SH3KBP1: variants seen among roughly 807,000 people sequenced by gnomAD.
The protein encoded by SH3KBP1 is SH3 domain containing kinase binding protein 1.
A neutral mutation model predicts 50.1 loss-of-function variants in SH3KBP1; 8 were observed. The observed-to-expected ratio is 0.16, with a 90% CI of 0.09 to 0.29. The LOEUF (loss-of-function observed/expected upper bound fraction) is 0.29. Ranked by LOEUF, SH3KBP1 falls within the 10% of genes least tolerant of loss-of-function variation. The probability of loss-of-function intolerance (pLI) is 1.00; values close to 1 mark genes in which losing one functional copy is unlikely to be tolerated. For missense variants in SH3KBP1, 377 were observed against 535.2 expected (o/e 0.70, Z 2.92); for synonymous variants, 227 against 218.6 (o/e 1.04, Z -0.34).
At chrX:19,641,877 T>C (rs1391615072) in intron 7 of SH3KBP1, among the ~76,000 whole-genome samples, 1 of 112,143 alleles carries the variant, frequency 8.9e-6, no homozygotes, top group Non-Finnish European at 1.9e-5. Flanking sequence ...TCTCACTCTG[T>C]CACCCAGACT....
chrX:19,864,779 A>G (rs1166195899), intron 1 of SH3KBP1, among the ~76,000 whole-genome samples: 1 of 112,401 alleles, frequency 8.9e-6, no homozygotes, highest in East Asian at 2.8e-4. Flanking sequence ...GGGCAACAAT[A>G]GGAAACGAAT....
At chrX:19,847,160 G>A (rs2068386594) in intron 1 of SH3KBP1, among the ~76,000 whole-genome samples, 1 of 111,398 alleles carries the variant, frequency 9.0e-6, no homozygotes, top group Admixed American at 9.6e-5. Context: ...CAGACAGTGA[G>A]GTAACGTGAG....
intron 7 of SH3KBP1, among the ~76,000 whole-genome samples, chrX:19,639,542 T>A: frequency 9.0e-6 from 1 of 111,057 alleles, no homozygotes; most frequent in Admixed American, 9.6e-5. Flanking sequence ...GAGGACTGTA[T>A]TTGAAATGCA....
At chrX:19,633,261 C>T (rs1437784131) in intron 7 of SH3KBP1, among the ~76,000 whole-genome samples, 1 of 111,531 alleles carries the variant, frequency 9.0e-6, no homozygotes, top group Non-Finnish European at 1.9e-5. Flanking sequence ...GTTACAATAG[C>T]TTGAAAATAT....
At chrX:19,867,085 C>A (rs1359549686) in intron 1 of SH3KBP1, among the ~76,000 whole-genome samples, 1 of 111,919 alleles carries the variant, frequency 8.9e-6, no homozygotes, top group African/African-American at 3.3e-5. Flanking sequence ...CAAAATTTTT[C>A]TTTCGCTGCC....
chrX:19,592,160 G>C lies in SH3KBP1; in HGVS notation c.1058-13C>G, dbSNP rs746797418. The C allele has an allele frequency of 8.8e-7, 1 of 1,140,725 alleles. No individual in the cohort carries two copies. The highest frequency in any genetic ancestry group is 1.8e-5 in the African/African-American group (1 of 55,463). 94.0% of individuals were successfully genotyped at this position (1,140,725 alleles called of 1,213,427 possible). On this transcript the variant is annotated splice_polypyrimidine_tract_variant and intron_variant, in intron 10 of 17. Transcript: ENST00000397821. ...CTCTCAGTGGTGCCTAGGAGGGAAA[G>C]GGTAATAGTGATCACAAAATGTTTT...
Position 19,821,568 on chromosome X carries a change from G to A in SH3KBP1, c.162+14557C>T, listed in dbSNP as rs757936024. 9.1e-5 allele frequency among the ~76,000 whole-genome samples: 10 copies of A among 109,290 alleles called. No individual in the cohort carries two copies. The South Asian group carries it at 3.5e-3, about 39-fold the overall frequency. The allele number at this position is 109,290 out of a possible 115,157, so 94.9% of individuals were successfully genotyped here. ...TTCTGAGATGGAGTCTCACTCTGTC[G>A]CCCAGGCTGGAGTGCAGTGGCATGA... On this transcript the variant is annotated intron_variant, in intron 2 of 17. Coordinates refer to ENST00000397821, the MANE Select transcript of SH3KBP1 (RefSeq NM_031892.3).
At chrX:19,562,669 G>A (rs2065718652) in intron 13 of SH3KBP1, among the ~76,000 whole-genome samples, 1 of 111,188 alleles carries the variant, frequency 9.0e-6, no homozygotes, top group Admixed American at 9.5e-5. Flanking sequence ...CCACAGAGAT[G>A]CAGGCGACCA....
chrX:19,809,052 T>G (rs1284789565), intron 2 of SH3KBP1, among the ~76,000 whole-genome samples: 1 of 111,773 alleles, frequency 8.9e-6, no homozygotes, highest in Non-Finnish European at 1.9e-5. Flanking sequence ...TAAAATTAAG[T>G]TGTAGGTGGC....
chrX:19,715,276 A>G (rs751921779), intron 3 of SH3KBP1, among the ~76,000 whole-genome samples: 1 of 97,244 alleles, frequency 1.0e-5, no homozygotes, highest in East Asian at 2.9e-4. Flanking sequence ...CTTGTCTCCA[A>G]AAAAAAAAAA....
At chrX:19,774,864 G>C (rs1222400187) in intron 2 of SH3KBP1, among the ~76,000 whole-genome samples, 3 of 110,455 alleles carry the variant, frequency 2.7e-5, no homozygotes, top group Non-Finnish European at 5.7e-5. Context: ...GGTTTAACTA[G>C]ACAAAAAAAG....
chrX:19,611,489 G>T (rs756982206), intron 8 of SH3KBP1, among the ~76,000 whole-genome samples: 1 of 111,768 alleles, frequency 8.9e-6, no homozygotes, highest in African/African-American at 3.3e-5. Context: ...AAGTAGCTGG[G>T]ATTACAGGCA....
intron 4 of SH3KBP1, among the ~76,000 whole-genome samples, chrX:19,700,321 G>A (rs1167505184): frequency 6.3e-5 from 7 of 111,703 alleles, no homozygotes; most frequent in Non-Finnish European, 1.1e-4. Flanking sequence ...TTTTTAAAAC[G>A]CTAAAAAAAT....
At chrX:19,586,994 G>A (rs191359690) in intron 12 of SH3KBP1, among the ~76,000 whole-genome samples, 15 of 111,100 alleles carry the variant, frequency 1.4e-4, no homozygotes, top group East Asian at 2.8e-4. Flanking sequence ...GGCCCGAGGC[G>A]GGTGAATCAC....
Position 19,592,078 on chromosome X carries a change from G to C in SH3KBP1, c.1127C>G (p.Thr376Arg). The C allele has an allele frequency of 8.3e-7, 1 of 1,201,609 alleles. No homozygotes were observed. The highest frequency in any genetic ancestry group is 1.1e-6 in the Non-Finnish European group (1 of 887,229). Residue 376 changes from threonine to arginine, a missense_variant, in exon 11 of 18, where the codon ACA becomes AGA. Thr to Arg is a moderately conservative substitution (Grantham distance 71). This residue lies in a region of SH3KBP1 where 257 missense variants were observed against 374.2 expected (regional missense o/e 0.69). Coordinates refer to ENST00000397821, the MANE Select transcript of SH3KBP1 (RefSeq NM_031892.3). ...AATTGATTTCATACCTTTTTCTTCTGTTCTGTTTGGAAGCATTTCTGGTCT... is the reference window on the plus strand; with the variant it reads ...AATTGATTTCATACCTTTTTCTTCTCTTCTGTTTGGAAGCATTTCTGGTCT... ...PERPEMLPNR[T>R]EEKERPEREP...
At chrX:19,863,538 A>G (rs781633174) in intron 1 of SH3KBP1, among the ~76,000 whole-genome samples, 15 of 112,195 alleles carry the variant, frequency 1.3e-4, no homozygotes, top group African/African-American at 4.9e-4. Flanking sequence ...CAAAGTCCAA[A>G]CCAGTTTAAG....
At chrX:19,816,482 T>C (rs2067358564) in intron 2 of SH3KBP1, among the ~76,000 whole-genome samples, 1 of 112,200 alleles carries the variant, frequency 8.9e-6, no homozygotes. Flanking sequence ...TCTTCACATT[T>C]TGATGAAGTC....
At chrX:19,813,160 A>AGAAG (rs567435063) in intron 2 of SH3KBP1, among the ~76,000 whole-genome samples, 1 of 104,532 alleles carries the variant, frequency 9.6e-6, no homozygotes, top group African/African-American at 3.7e-5. Flanking sequence ...AAACAAAAAA[A>AGAAG]AAGAAGAAGA....
At chrX:19,868,321 T>C (rs2068962900) in intron 1 of SH3KBP1, among the ~76,000 whole-genome samples, 1 of 111,479 alleles carries the variant, frequency 9.0e-6, no homozygotes, top group East Asian at 2.8e-4. Context: ...AAAAGGACTG[T>C]GGCAAACAGA....
Sources: gnomAD v4.1 joint callset for allele counts (sites outside exome capture counted in the v4.1 genomes callset) on GRCh38, gnomAD v4.1.1 for gene constraint, gnomAD v4.1.1 regional missense constraint, MANE v1.5 for transcripts, NCBI Gene and HGNC (gene_info 2026-07-23, HGNC 2026-07-21) for gene names.